The following KIF15 variants were observed in gnomAD, a reference collection of about 807,000 sequenced individuals.
KIF15 encodes the protein kinesin-like protein KIF15.
A neutral mutation model predicts 190.6 loss-of-function variants in KIF15; 140 were observed. That is an observed-to-expected ratio of 0.73 (90% CI 0.64 to 0.84). The LOEUF (loss-of-function observed/expected upper bound fraction) is 0.84, where lower values mean the gene tolerates loss of function less well. Ranked by LOEUF, KIF15 falls within the 40% of genes least tolerant of loss-of-function variation. The pLI is 0.00. For synonymous variants in KIF15, 528 were observed against 551.3 expected (o/e 0.96, Z 0.59); for missense variants, 1,372 against 1,584.4 (o/e 0.87, Z 2.28).
chr3:44,813,358 A>G (rs986363922), intron 19 of KIF15, 178 bp downstream of exon 19: 9 of 457,036 alleles, frequency 2.0e-5, no homozygotes, highest in Non-Finnish European at 3.8e-6. Context: ...ATATCATAAA[A>G]GGTAAATTTC....
intron 20 of KIF15, among the ~76,000 whole-genome samples, chr3:44,824,617 G>T (rs1413277836): frequency 6.6e-6 from 1 of 152,068 alleles, no homozygotes; most frequent in Non-Finnish European, 1.5e-5. Flanking sequence ...TGTGTAATTT[G>T]TTTTGAAGTC....
At chr3:44,778,582 GCCC>G (rs1706006450) in intron 4 of KIF15, among the ~76,000 whole-genome samples, 1 of 152,148 alleles carries the variant, frequency 6.6e-6, no homozygotes, top group Non-Finnish European at 1.5e-5. Context: ...GATTAGATTG[GCCC>G]CTCCTGGCTA....
intron 32 of KIF15, among the ~76,000 whole-genome samples, chr3:44,850,000 C>T (rs113271175): frequency 1.3e-5 from 2 of 152,288 alleles, no homozygotes; most frequent in African/African-American, 4.8e-5. Flanking sequence ...TCAGCATCAA[C>T]TCTATTCGTA....
At chr3:44,813,851 C>T (rs1409276679) in intron 19 of KIF15, among the ~76,000 whole-genome samples, 3 of 152,132 alleles carry the variant, frequency 2.0e-5, no homozygotes, top group Non-Finnish European at 4.4e-5. Context: ...CTCCTGACCT[C>T]AGGTGATCCA....
chr3:44,829,127 G>T (rs1003531069), intron 24 of KIF15, among the ~76,000 whole-genome samples: 12 of 151,974 alleles, frequency 7.9e-5, no homozygotes, highest in Admixed American at 2.6e-4. Flanking sequence ...GGAGGCTGAG[G>T]CGGGTGGATC....
chr3:44,861,817 C>G, intron 6 of KIF15: 1 of 1,269,574 alleles, frequency 7.9e-7, no homozygotes, highest in South Asian at 1.3e-5. Context: ...AGGGGCCTGC[C>G]GGAGCGTGGC....
At chr3:44,819,778 G>T (rs1708182567) in intron 20 of KIF15, among the ~76,000 whole-genome samples, 1 of 152,186 alleles carries the variant, frequency 6.6e-6, no homozygotes, top group African/African-American at 2.4e-5. Context: ...GTCCAGAGCT[G>T]AGTTCAAGTC....
At chr3:44,853,947 T>G (rs936915416), downstream of KIF15, among the ~76,000 whole-genome samples, 1 of 152,070 alleles carries the variant, frequency 6.6e-6, no homozygotes, top group South Asian at 2.1e-4. Context: ...AAAGGCAAAA[T>G]TATAGAGATA....
chr3:44,845,804 T>G (rs1488926478), intron 30 of KIF15, among the ~76,000 whole-genome samples: 2 of 152,168 alleles, frequency 1.3e-5, no homozygotes, highest in African/African-American at 4.8e-5. Flanking sequence ...CCTGCAGTAT[T>G]TCAGACAAGC....
In KIF15 at chr3:44,801,420, A is replaced by G. The variant is rs1410725978; in HGVS notation, c.1223-30A>G. 3 of 1,324,978 alleles carry G rather than the reference A, an allele frequency of 2.3e-6. No homozygotes were observed. The African/African-American group carries it at 4.4e-5, about 20-fold the overall frequency. The allele number at this position is 1,324,978 out of a possible 1,614,324, so 82.1% of individuals were successfully genotyped here. A position where few individuals can be genotyped will look rare whatever the true frequency, so the allele number is the denominator to read the frequency against. On this transcript the variant is annotated intron_variant, in intron 11 of 34. Coordinates refer to ENST00000326047, the MANE Select transcript of KIF15 (RefSeq NM_020242.3). ...TGCAATGTGATAAATATTTTTTTTC[A>G]TCTTCCCTTTCTTATTGGATCAATT...
intron 1 of KIF15, among the ~76,000 whole-genome samples, chr3:44,770,918 TCA>T (rs778272629): frequency 3.6e-4 from 55 of 152,240 alleles, no homozygotes; most frequent in Non-Finnish European, 7.8e-4. Context: ...AAAGATTACT[TCA>T]GTTTTGTATT....
At chr3:44,857,523 A>G (rs1298993023), downstream of KIF15, among the ~76,000 whole-genome samples, 1 of 152,186 alleles carries the variant, frequency 6.6e-6, no homozygotes, top group African/African-American at 2.4e-5. Context: ...TGTAATGAAA[A>G]GGGTTGGGAT....
chr3:44,788,808 G>C (rs1002757357), intron 7 of KIF15, among the ~76,000 whole-genome samples: 4 of 152,068 alleles, frequency 2.6e-5, no homozygotes, highest in African/African-American at 9.7e-5. Context: ...TTGTGCCTGG[G>C]ATGACTTATT....
intron 20 of KIF15, among the ~76,000 whole-genome samples, chr3:44,815,574 T>C (rs1482814431): frequency 2.0e-5 from 3 of 152,188 alleles, no homozygotes; most frequent in Non-Finnish European, 4.4e-5. Flanking sequence ...AAAGGTGTGC[T>C]CTTACTAGAA....
rs3804583 is a variant in KIF15 at position 44,843,155 on chromosome 3, C to T, written c.3616C>T (p.Leu1206=). Residue 1206 remains leucine, a synonymous_variant, in exon 30 of 35, where the codon CTG becomes TTG. Coordinates refer to ENST00000326047, the MANE Select transcript of KIF15 (RefSeq NM_020242.3). ...EQLREMENLR[L]ESQQLIEKNW... is the part of the protein sequence containing the mutation. ...GTTGCGTGAAATGGAAAACCTACGC[C>T]TGGAAAGTCAGCAGTTAATAGAGAA... The T allele has an allele frequency of 1.2e-6, 2 of 1,612,646 alleles. No individual in the cohort carries two copies. Among genetic ancestry groups the T allele is most frequent in the Non-Finnish European group, 1.7e-6 (2 of 1,179,210 alleles).
At chr3:44,812,875 C>T (rs1707852220) in intron 18 of KIF15, among the ~76,000 whole-genome samples, 200 bp from the exon 19 acceptor site, 1 of 152,038 alleles carries the variant, frequency 6.6e-6, no homozygotes, top group African/African-American at 2.4e-5. Flanking sequence ...GTCACAGCTA[C>T]TCAGGAGGCT....
At chr3:44,845,431 C>T (rs929536958) in intron 30 of KIF15, among the ~76,000 whole-genome samples, 1 of 151,766 alleles carries the variant, frequency 6.6e-6, no homozygotes, top group Admixed American at 6.6e-5. Flanking sequence ...GGAACTACAA[C>T]GATTTTGGTA....
intron 6 of KIF15, among the ~76,000 whole-genome samples, chr3:44,859,322 C>T (rs969575043): frequency 1.1e-4 from 16 of 152,238 alleles, no homozygotes; most frequent in African/African-American, 2.2e-4. Context: ...ACCTTGAAGG[C>T]GAGGTTAATT....
Position 44,780,911 on chromosome 3 carries a change from T to A in KIF15, c.350T>A (p.Phe117Tyr), listed in dbSNP as rs960877625. 1 of 1,601,944 alleles carries A rather than the reference T, an allele frequency of 6.2e-7. No individual in the cohort carries two copies. The highest frequency in any genetic ancestry group is 8.5e-7 in the Non-Finnish European group (1 of 1,171,270). Residue 117 changes from phenylalanine (F) to tyrosine (Y), a missense_variant, in exon 5 of 35, where the codon TTT becomes TAT. Transcript: ENST00000326047. ...AYGQTGSGKT[F>Y]TMMGPSESDN... is the part of the protein sequence containing the mutation. The stretch of plus-strand genomic sequence containing the variant: ...GGACAGACTGGCTCAGGGAAGACAT[T>A]TACTATGATGGGTAAGTAAAGATTA...
Sources: allele counts gnomAD v4.1 joint callset (sites outside exome capture counted in the v4.1 genomes callset), GRCh38; gene constraint gnomAD v4.1.1; transcripts MANE v1.5; gene names NCBI Gene and HGNC (gene_info 2026-07-23, HGNC 2026-07-21).